Variants in CCM2 observed in about 807,000 individuals in gnomAD.
CCM2 encodes cerebral cavernous malformations 2 protein.
Under a neutral mutation model 44.9 loss-of-function variants are expected in CCM2, and 25 were observed. The observed-to-expected ratio is 0.56, with a 90% CI of 0.41 to 0.78. The LOEUF (loss-of-function observed/expected upper bound fraction) is 0.78, where lower values mean the gene tolerates loss of function less well. CCM2 is among the 30% of genes least tolerant of loss of function. The pLI is 0.00. For missense variants in CCM2, 481 were observed against 580.6 expected (o/e 0.83, Z 1.76); for synonymous variants, 219 against 241.1 (o/e 0.91, Z 0.85).
intron 6 of CCM2, chr7:45,071,599 G>A (rs1799075705): frequency 2.8e-6 from 1 of 354,658 alleles, no homozygotes; most frequent in Non-Finnish European, 5.5e-6. Context: ...TATACGTTAA[G>A]AGTCCATTGT....
chr7:45,027,763 C>G (rs764578298), intron 1 of CCM2: 10 of 1,614,024 alleles, frequency 6.2e-6, no homozygotes, highest in African/African-American at 1.3e-5. Context: ...ATTCCTCAAA[C>G]AGAATTTCAC....
intron 1 of CCM2, among the ~76,000 whole-genome samples, chr7:45,025,405 C>T (rs191994656): frequency 1.9e-3 from 282 of 151,414 alleles, no homozygotes; most frequent in Admixed American, 3.1e-3. Flanking sequence ...TGGCCAACCC[C>T]GCAGTTCTCC....
Position 45,064,577 on chromosome 7 carries a change from C to T in CCM2, c.403C>T (p.Pro135Ser). 1 of 1,613,978 alleles carries T rather than the reference C, an allele frequency of 6.2e-7. No individual in the cohort carries two copies. Among genetic ancestry groups the T allele is most frequent in the Non-Finnish European group, 8.5e-7 (1 of 1,180,024 alleles). The change falls in exon 4 of 10, where the codon CCC becomes TCC. Residue 135 changes from proline (P) to serine (S), a missense_variant. Pro to Ser is a moderately conservative substitution (Grantham distance 74, BLOSUM62 -1). Transcript: ENST00000258781. The stretch of plus-strand genomic sequence containing the variant: ...CGGGGAGGATATCATCCTCAGGGTG[C>T]CCATCCATGACATCGCCGCCGTCTC... ...RDGEDIILRVPIHDIAAVSYV... is the reference protein window; with the variant it reads ...RDGEDIILRVSIHDIAAVSYV...
chr7:45,051,523 T>G (rs2165174), intron 2 of CCM2, among the ~76,000 whole-genome samples: 78,147 of 148,870 alleles, frequency 0.52, 21,294 homozygotes, highest in African/African-American at 0.73. Flanking sequence ...TCAGCCTCCC[T>G]AGTAGCCGGG....
chr7:45,043,831 A>G (rs2128733708), intron 2 of CCM2: 1 of 320,228 alleles, frequency 3.1e-6, no homozygotes, highest in Admixed American at 4.9e-5. Context: ...TCTCCGTCTT[A>G]TGAATTCATT....
intron 6 of CCM2, chr7:45,071,399 T>C (rs1799065011): frequency 5.5e-6 from 1 of 180,376 alleles, no homozygotes; most frequent in Non-Finnish European, 1.2e-5. Flanking sequence ...GTTGCTGAAG[T>C]GGGCTTCTTC....
chr7:45,070,112 G>T, intron 6 of CCM2, 151 bp downstream of exon 6: 3 of 944,140 alleles, frequency 3.2e-6, no homozygotes, highest in Non-Finnish European at 4.8e-6. Flanking sequence ...GTTCACATTA[G>T]CCCATAGGGT....
At chr7:45,072,024 G>A (rs1799102614) in intron 6 of CCM2, 1 of 367,750 alleles carries the variant, frequency 2.7e-6, no homozygotes, top group Non-Finnish European at 5.4e-6. Flanking sequence ...TTATCTCTCA[G>A]CCTCTCCCTC....
rs1799149887 is a variant in CCM2, at chr7:45,072,904, G to T, written c.803+121G>T. On this transcript the variant is annotated intron_variant, in intron 7 of 9. Coordinates refer to ENST00000258781, the MANE Select transcript of CCM2 (RefSeq NM_031443.4). ...GCTCACCCTCGCTAAGCCATCCCCAGACCCACTGTACCCAGCTTAGTGAAT... is the reference window on the plus strand; with the variant it reads ...GCTCACCCTCGCTAAGCCATCCCCATACCCACTGTACCCAGCTTAGTGAAT... 3 of 828,726 alleles carry T rather than the reference G, an allele frequency of 3.6e-6. No homozygotes were observed. The South Asian group carries it at 4.1e-5, about 11-fold the overall frequency. The allele number at this position is 828,726 out of a possible 1,614,324, so 51.3% of individuals were successfully genotyped here.
intron 1 of CCM2, among the ~76,000 whole-genome samples, chr7:45,009,402 G>GTTT (rs66697662): frequency 4.1e-4 from 31 of 74,812 alleles, no homozygotes; most frequent in Admixed American, 6.4e-4. Flanking sequence ...GGCTATACTT[G>GTTT]TTTTTTTTTT....
intron 2 of CCM2, among the ~76,000 whole-genome samples, chr7:45,059,727 G>T (rs1179823048): frequency 6.6e-6 from 1 of 152,170 alleles, no homozygotes; most frequent in Non-Finnish European, 1.5e-5. Flanking sequence ...AACAGAGCAA[G>T]ACCCTGTCTC....
Position 45,075,869 on chromosome 7 carries a change from G to T in CCM2, c.1147G>T (p.Asp383Tyr). ...GVKDGRGIIT[D>Y]SFGRHRRALS... is the part of the protein sequence containing the mutation. ...GAAGGATGGCCGCGGCATCATCACTGACAGCTTTGGCAGGCACCGGCGGGC... is the reference window on the plus strand; with the variant it reads ...GAAGGATGGCCGCGGCATCATCACTTACAGCTTTGGCAGGCACCGGCGGGC... The change falls in exon 10 of 10, where the codon GAC becomes TAC. Residue 383 changes from aspartate to tyrosine, a missense_variant. Asp to Tyr is a radical substitution (Grantham distance 160, BLOSUM62 -3). Coordinates refer to ENST00000258781, the MANE Select transcript of CCM2 (RefSeq NM_031443.4). 1 of 1,613,636 alleles carries T rather than the reference G, an allele frequency of 6.2e-7. No individual in the cohort carries two copies. The highest frequency in any genetic ancestry group is 8.5e-7 in the Non-Finnish European group (1 of 1,180,036).
chr7:45,047,489 A>G (rs1176630236), intron 2 of CCM2, among the ~76,000 whole-genome samples: 1 of 152,170 alleles, frequency 6.6e-6, no homozygotes, highest in African/African-American at 2.4e-5. Flanking sequence ...GTGAGCCATG[A>G]TCATGCCACT....
At chr7:45,000,013 T>G (rs1217015272), upstream of CCM2, among the ~76,000 whole-genome samples, 2 of 151,718 alleles carry the variant, frequency 1.3e-5, no homozygotes, top group East Asian at 3.9e-4. Context: ...GCTCTCGCCG[T>G]GAGCGGGGCC....
chr7:45,019,027 T>C (rs866362477), intron 1 of CCM2, among the ~76,000 whole-genome samples: 76 of 151,394 alleles, frequency 5.0e-4, no homozygotes, highest in African/African-American at 1.7e-3. Flanking sequence ...CCCAAAGTGT[T>C]GGGATTATAG....
intron 1 of CCM2, among the ~76,000 whole-genome samples, chr7:45,036,478 C>T (rs1033969543): frequency 2.6e-5 from 4 of 152,096 alleles, no homozygotes; most frequent in Non-Finnish European, 5.9e-5. Context: ...TTACTTTTCC[C>T]GCTAATGCTG....
intron 1 of CCM2, among the ~76,000 whole-genome samples, chr7:45,020,542 A>G (rs1424884370): frequency 6.6e-6 from 1 of 152,222 alleles, no homozygotes; most frequent in Non-Finnish European, 1.5e-5. Flanking sequence ...TTAATTTTCT[A>G]ACCTGTCATG....
intron 1 of CCM2, among the ~76,000 whole-genome samples, chr7:45,016,393 G>A (rs189211631): frequency 8.8e-4 from 134 of 152,082 alleles, no homozygotes; most frequent in Non-Finnish European, 1.3e-3. Context: ...GCAATGGCGC[G>A]ATCTTGGCTC....
intron 1 of CCM2, among the ~76,000 whole-genome samples, chr7:45,030,734 T>C (rs1277137664): frequency 2.0e-5 from 3 of 151,990 alleles, no homozygotes; most frequent in African/African-American, 7.3e-5. Context: ...TTTATTTATT[T>C]TTTTCTTGAG....
Sources: allele counts gnomAD v4.1 joint callset (sites outside exome capture counted in the v4.1 genomes callset), GRCh38; gene constraint gnomAD v4.1.1; transcripts MANE v1.5; gene names NCBI Gene and HGNC (gene_info 2026-07-23, HGNC 2026-07-21).